The following BCHE variants were observed in gnomAD, a reference collection of about 807,000 sequenced individuals.
BCHE encodes the protein cholinesterase.
BCHE carries 48 observed loss-of-function variants against 51.3 expected under a neutral mutation model. The ratio of observed to expected loss-of-function variants is 0.94; its 90% CI spans 0.74 to 1.19. The LOEUF is 1.19. Ranked by LOEUF, BCHE falls within the 50% of genes most tolerant of loss-of-function variation. The probability of loss-of-function intolerance (pLI) is 0.00; values close to 1 mark genes in which losing one functional copy is unlikely to be tolerated. For missense variants in BCHE, 847 were observed against 708.2 expected, an observed-to-expected ratio of 1.20 and a Z score of -2.23; for synonymous variants, 251 against 238.0, an observed-to-expected ratio of 1.05 and a Z score of -0.50.
At chr3:165,837,239 T>C (rs906715815) in intron 1 of BCHE, 75 bp downstream of exon 1, 2 of 950,928 alleles carry the variant, frequency 2.1e-6, no homozygotes, top group Admixed American at 2.4e-5. Flanking sequence ...CATGAAGAGA[T>C]CACTCTCATC....
At chr3:165,795,604 G>A (rs1468773647) in intron 2 of BCHE, among the ~76,000 whole-genome samples, 1 of 152,106 alleles carries the variant, frequency 6.6e-6, no homozygotes, top group Non-Finnish European at 1.5e-5. Flanking sequence ...CGGTAGAAAT[G>A]AGAAAAATAA....
intron 2 of BCHE, among the ~76,000 whole-genome samples, chr3:165,820,347 T>C (rs1714468159): frequency 6.6e-6 from 1 of 152,096 alleles, no homozygotes; most frequent in Non-Finnish European, 1.5e-5. Flanking sequence ...ATTACACTAA[T>C]GGGTATCCAT....
intron 2 of BCHE, among the ~76,000 whole-genome samples, chr3:165,788,979 A>T (rs552368895): frequency 1.3e-5 from 2 of 152,316 alleles, no homozygotes; most frequent in East Asian, 3.9e-4. Flanking sequence ...GTCTGTATCA[A>T]TTAAAAGCTT....
chr3:165,815,365 C>T (rs890600642), intron 2 of BCHE, among the ~76,000 whole-genome samples: 2 of 151,914 alleles, frequency 1.3e-5, no homozygotes, highest in East Asian at 1.9e-4. Flanking sequence ...ATCTGGGTTC[C>T]TCCATCACAC....
chr3:165,818,555 T>C (rs573851653), intron 2 of BCHE, among the ~76,000 whole-genome samples: 6 of 152,246 alleles, frequency 3.9e-5, no homozygotes, highest in African/African-American at 1.4e-4. Flanking sequence ...CTTTGTAAAA[T>C]AGGGATATTA....
intron 2 of BCHE, among the ~76,000 whole-genome samples, chr3:165,816,589 C>T (rs1369098836): frequency 2.0e-5 from 3 of 152,026 alleles, no homozygotes; most frequent in Non-Finnish European, 2.9e-5. Flanking sequence ...CATCAAAACA[C>T]CACATCTTTG....
intron 2 of BCHE, among the ~76,000 whole-genome samples, chr3:165,806,115 T>A (rs892391127): frequency 3.3e-5 from 5 of 152,116 alleles, no homozygotes; most frequent in Admixed American, 1.3e-4. Flanking sequence ...AAATTCAAAT[T>A]TGATAGCATT....
chr3:165,791,681 G>A (rs1289853491), intron 2 of BCHE, among the ~76,000 whole-genome samples: 2 of 152,150 alleles, frequency 1.3e-5, no homozygotes, highest in Non-Finnish European at 2.9e-5. Flanking sequence ...AGCTGGGCAT[G>A]ATGGCTCACG....
intron 3 of BCHE, among the ~76,000 whole-genome samples, chr3:165,782,549 GGTT>G (rs1385992702): frequency 6.6e-6 from 1 of 151,928 alleles, no homozygotes; most frequent in Non-Finnish European, 1.5e-5. Context: ...TTTTGTGTGT[GGTT>G]GTTGTTTTTT....
At chr3:165,785,201 T>G (rs948547341) in intron 3 of BCHE, among the ~76,000 whole-genome samples, 2 of 151,902 alleles carry the variant, frequency 1.3e-5, no homozygotes, top group African/African-American at 2.4e-5. Flanking sequence ...GGAAAACATC[T>G]ACTGTATTAT....
chr3:165,819,956 G>A (rs1714450698), intron 2 of BCHE, among the ~76,000 whole-genome samples: 1 of 152,064 alleles, frequency 6.6e-6, no homozygotes, highest in African/African-American at 2.4e-5. Flanking sequence ...ATATTAGACT[G>A]AATTTAATAT....
At chr3:165,807,972 T>G (rs1190943263) in intron 2 of BCHE, among the ~76,000 whole-genome samples, 2 of 151,724 alleles carry the variant, frequency 1.3e-5, no homozygotes, top group Non-Finnish European at 2.9e-5. Context: ...TATTGTTGCT[T>G]GTTTTTTTTT....
chr3:165,801,786 A>G (rs1239715898), intron 2 of BCHE, among the ~76,000 whole-genome samples: 2 of 152,172 alleles, frequency 1.3e-5, no homozygotes, highest in Non-Finnish European at 2.9e-5. Context: ...TTCCCAAGAC[A>G]TAAGCTCACC....
In BCHE at chr3:165,829,615, G is replaced by T. The variant is rs377230118; in HGVS notation, c.1419C>A (p.Val473=). 2 of 1,613,758 alleles carry T rather than the reference G, an allele frequency of 1.2e-6. 1 individual carries two copies. The highest frequency in any genetic ancestry group is 3.3e-4 in the Middle Eastern group (2 of 6,060). ...GVMHGYEIEF[V]FGLPLERRDN... ...CTCTTCTTTCCAGAGGTAAACCAAAGACAAATTCAATTTCATAGCCATGCA... is the reference window on the plus strand; with the variant it reads ...CTCTTCTTTCCAGAGGTAAACCAAATACAAATTCAATTTCATAGCCATGCA... Residue 473 remains valine (V), a synonymous_variant, in exon 2 of 4, where the codon GTC becomes GTA. Transcript: ENST00000264381.
chr3:165,817,901 A>G (rs898690709), intron 2 of BCHE, among the ~76,000 whole-genome samples: 1 of 152,056 alleles, frequency 6.6e-6, no homozygotes. Flanking sequence ...GAAAATCTTT[A>G]CCCTCAAAGG....
Position 165,773,236 on chromosome 3 carries a change from G to T in BCHE, c.*146C>A. 1 of 719,210 alleles carries T rather than the reference G, an allele frequency of 1.4e-6. No homozygotes were observed. The highest frequency in any genetic ancestry group is 2.2e-6 in the Non-Finnish European group (1 of 447,540). The allele number at this position is 719,210 out of a possible 1,614,324, so 44.6% of individuals were successfully genotyped here. ...TTTGAAATGCTAGGTAAAATACTAA[G>T]TTAAAGATGTGAGGAATCAATATTA... On this transcript the variant is annotated 3_prime_UTR_variant, in exon 4 of 4. Transcript: ENST00000264381.
At position 165,800,712 on chromosome 3, in the gene BCHE, T is replaced by G. The variant is rs1053501239; in HGVS notation, c.1518-14401A>C. 5.3e-5 allele frequency among the ~76,000 whole-genome samples: 8 copies of G among 152,198 alleles called. 1 individual carries two copies. The highest frequency in any genetic ancestry group is 1.9e-4 in the African/African-American group (8 of 41,556). On this transcript the variant is annotated intron_variant, in intron 2 of 3. Coordinates refer to ENST00000264381, the MANE Select transcript of BCHE (RefSeq NM_000055.4). ...TAGTTTTCTGTTGATTTTTTAAAAA[T>G]CCACAATAAAGAAACTGAACTGACT...
At chr3:165,773,921 G>A (rs1360733639) in intron 3 of BCHE, among the ~76,000 whole-genome samples, 1 of 151,924 alleles carries the variant, frequency 6.6e-6, no homozygotes, top group African/African-American at 2.4e-5. Context: ...AATTATTTCT[G>A]ATGAAAATTA....
chr3:165,783,379 G>A (rs563680696), intron 3 of BCHE, among the ~76,000 whole-genome samples: 2 of 152,116 alleles, frequency 1.3e-5, no homozygotes, highest in African/African-American at 2.4e-5. Flanking sequence ...TAAGTTATTC[G>A]AAGCCACTTG....
Sources: gnomAD v4.1 joint callset for allele counts (sites outside exome capture counted in the v4.1 genomes callset) on GRCh38, gnomAD v4.1.1 for gene constraint, MANE v1.5 for transcripts, NCBI Gene and HGNC (gene_info 2026-07-23, HGNC 2026-07-21) for gene names.